Variants in GALNTL6 observed in about 807,000 individuals in gnomAD.
GALNTL6 encodes the protein polypeptide N-acetylgalactosaminyltransferase like 6.
A neutral mutation model predicts 73.7 loss-of-function variants in GALNTL6; 46 were observed. That is an observed-to-expected ratio of 0.62 (90% CI 0.49 to 0.80). GALNTL6 has a LOEUF of 0.80. Among genes scored for constraint, GALNTL6 ranks in the 30% least tolerant of loss-of-function variants. GALNTL6 has a pLI of 0.00. For synonymous variants in GALNTL6, 259 were observed against 263.7 expected (o/e 0.98, Z 0.17); for missense variants, 604 against 755.0 (o/e 0.80, Z 2.34).
chr4:172,038,961 A>C (rs1242287202), intron 2 of GALNTL6, among the ~76,000 whole-genome samples: 1 of 152,158 alleles, frequency 6.6e-6, no homozygotes, highest in African/African-American at 2.4e-5. Flanking sequence ...TTTATTATTC[A>C]CTACAAGCGT....
chr4:172,079,491 C>T (rs551154802), intron 2 of GALNTL6, among the ~76,000 whole-genome samples: 1 of 151,942 alleles, frequency 6.6e-6, no homozygotes, highest in African/African-American at 2.4e-5. Flanking sequence ...ATCATAAATA[C>T]TTACATTTAA....
intron 2 of GALNTL6, among the ~76,000 whole-genome samples, chr4:172,159,643 A>T (rs1433983571): frequency 6.6e-6 from 1 of 152,188 alleles, no homozygotes; most frequent in East Asian, 1.9e-4. Context: ...CAGTGCCTGG[A>T]GCATAATGAA....
chr4:172,037,828 A>G (rs1375806469), intron 2 of GALNTL6, among the ~76,000 whole-genome samples: 1 of 152,206 alleles, frequency 6.6e-6, no homozygotes, highest in Non-Finnish European at 1.5e-5. Flanking sequence ...TTAAAAAAAA[A>G]TTCTAGAGAC....
At chr4:172,295,545 T>G (rs1259904354) in intron 3 of GALNTL6, among the ~76,000 whole-genome samples, 1 of 145,474 alleles carries the variant, frequency 6.9e-6, no homozygotes, top group Non-Finnish European at 1.5e-5. Flanking sequence ...TTTTTTTTTT[T>G]TTTTTTTTTT....
intron 6 of GALNTL6, among the ~76,000 whole-genome samples, chr4:172,812,167 T>C (rs1741347040): frequency 6.6e-6 from 1 of 152,134 alleles, no homozygotes. Context: ...ATCAGTGTCA[T>C]CGAAATAAAG....
intron 2 of GALNTL6, among the ~76,000 whole-genome samples, chr4:172,017,681 A>G (rs1198107840): frequency 6.6e-6 from 1 of 152,054 alleles, no homozygotes. Flanking sequence ...TGTTGTCCAG[A>G]TTCTTTTGTC....
chr4:172,734,845 A>T (rs1488333260), intron 5 of GALNTL6, among the ~76,000 whole-genome samples: 18 of 152,220 alleles, frequency 1.2e-4, no homozygotes, highest in Non-Finnish European at 2.5e-4. Context: ...AAAACGGGCC[A>T]AGGTACAGCT....
intron 5 of GALNTL6, among the ~76,000 whole-genome samples, chr4:172,775,459 C>A (rs1739020310): frequency 1.3e-5 from 2 of 152,170 alleles, no homozygotes; most frequent in African/African-American, 4.8e-5. Context: ...ACGTGGGGCT[C>A]ATGTCATCAT....
In GALNTL6 at chr4:172,322,092, C is replaced by T. The variant is rs191914540; in HGVS notation, c.386+10340C>T. Among the ~76,000 whole-genome samples, 163 of 152,192 alleles carry T rather than the reference C, an allele frequency of 1.1e-3. 2 individuals are homozygous for T. The South Asian group carries it at 0.016, about 15-fold the overall frequency. On this transcript the variant is annotated intron_variant, in intron 4 of 12. Transcript: ENST00000506823. ...ATACAACTCCAGTAAACACACTGCA[C>T]GCAGACAGCCCACCCAAGGGAAGAA...
intron 2 of GALNTL6, among the ~76,000 whole-genome samples, chr4:171,995,548 A>G (rs142646798): frequency 0.014 from 2,066 of 152,182 alleles, 26 homozygotes; most frequent in Non-Finnish European, 0.02. Context: ...ATATATTATT[A>G]TGTGACAAAA....
At chr4:172,369,054 G>C (rs1041266672) in intron 5 of GALNTL6, among the ~76,000 whole-genome samples, 2 of 152,140 alleles carry the variant, frequency 1.3e-5, no homozygotes, top group East Asian at 3.9e-4. Flanking sequence ...GCCACTGCAG[G>C]CTCAGGCAGC....
At chr4:172,175,732 A>G (rs2110834059) in intron 2 of GALNTL6, among the ~76,000 whole-genome samples, 1 of 151,460 alleles carries the variant, frequency 6.6e-6, no homozygotes, top group Non-Finnish European at 1.5e-5. Context: ...TTAAATAGGT[A>G]CTTTTTGTTT....
At chr4:172,244,322 A>G (rs1737551682) in intron 3 of GALNTL6, among the ~76,000 whole-genome samples, 1 of 152,178 alleles carries the variant, frequency 6.6e-6, no homozygotes, top group Admixed American at 6.6e-5. Flanking sequence ...ACAATTATCT[A>G]GAGGAAAAAT....
intron 5 of GALNTL6, among the ~76,000 whole-genome samples, chr4:172,477,792 G>A (rs1362856446): frequency 6.6e-6 from 1 of 152,138 alleles, no homozygotes; most frequent in Admixed American, 6.5e-5. Context: ...ACATACTGAG[G>A]AGGAAACACA....
intron 7 of GALNTL6, among the ~76,000 whole-genome samples, chr4:172,873,314 G>A (rs1045544188): frequency 2.0e-5 from 3 of 152,166 alleles, no homozygotes; most frequent in African/African-American, 7.2e-5. Flanking sequence ...CTCCTAGCCT[G>A]GTGGCTTCCA....
chr4:172,154,863 G>GCCCTTTT (rs1351799571), intron 2 of GALNTL6, among the ~76,000 whole-genome samples: 4 of 152,196 alleles, frequency 2.6e-5, no homozygotes, highest in Non-Finnish European at 5.9e-5. Flanking sequence ...ATATAATTCT[G>GCCCTTTT]AGTGCATGGC....
At chr4:172,543,959 C>T (rs1258279114) in intron 5 of GALNTL6, among the ~76,000 whole-genome samples, 1 of 152,144 alleles carries the variant, frequency 6.6e-6, no homozygotes, top group African/African-American at 2.4e-5. Context: ...GAAATAGATA[C>T]AACTACCTTC....
At chr4:172,087,816 C>CT (rs1452834990) in intron 2 of GALNTL6, among the ~76,000 whole-genome samples, 5 of 150,254 alleles carry the variant, frequency 3.3e-5, no homozygotes, top group Admixed American at 6.6e-5. Context: ...TATCGTACAT[C>CT]TTTTTTATAT....
chr4:171,940,290 T>C (rs753324456), intron 2 of GALNTL6, among the ~76,000 whole-genome samples: 4 of 150,782 alleles, frequency 2.7e-5, no homozygotes, highest in Non-Finnish European at 5.9e-5. Flanking sequence ...AATCAAAGAG[T>C]GGGTGGAAAT....
Sources: gnomAD v4.1 joint callset for allele counts (sites outside exome capture counted in the v4.1 genomes callset) on GRCh38, gnomAD v4.1.1 for gene constraint, MANE v1.5 for transcripts, NCBI Gene and HGNC (gene_info 2026-07-23, HGNC 2026-07-21) for gene names.